ROS1: variants seen among roughly 807,000 people sequenced by gnomAD.
ROS1 encodes proto-oncogene tyrosine-protein kinase ROS.
Under a neutral mutation model 273.5 loss-of-function variants are expected in ROS1, and 263 were observed. That is an observed-to-expected ratio of 0.96 (90% CI 0.87 to 1.06). The LOEUF is 1.06. Ranked by LOEUF, ROS1 falls within the 50% of genes least tolerant of loss-of-function variation. The pLI, the probability that ROS1 is intolerant of heterozygous loss-of-function variation, is 0.00. For missense variants in ROS1, 2,833 were observed against 2,751.1 expected (o/e 1.03, Z -0.67); for synonymous variants, 1,008 against 954.1 (o/e 1.06, Z -1.04).
At chr6:117,295,367 C>G (rs547689072) in intron 43 of ROS1, among the ~76,000 whole-genome samples, 40 of 152,288 alleles carry the variant, frequency 2.6e-4, no homozygotes, top group African/African-American at 9.4e-4. Context: ...AAATCTAAGA[C>G]TTCAAACCAT....
At position 117,394,613 on chromosome 6, in the gene ROS1, G is replaced by T; in HGVS notation, c.1006+3C>A. On this transcript the variant is annotated splice_donor_region_variant and intron_variant, in intron 10 of 43. Transcript: ENST00000368507. Reference sequence around the variant, plus strand: ...AGGAATCATTTATCCTTATCATACTGACCTGTAATATTATGGTATATAGCA... The same window carrying T: ...AGGAATCATTTATCCTTATCATACTTACCTGTAATATTATGGTATATAGCA... 1 of 1,593,236 alleles carries T rather than the reference G, an allele frequency of 6.3e-7. No individual in the cohort carries two copies. Among genetic ancestry groups the T allele is most frequent in the South Asian group, 1.2e-5 (1 of 86,790 alleles).
At chr6:117,297,916 C>T (rs956527440) in intron 43 of ROS1, among the ~76,000 whole-genome samples, 1 of 152,148 alleles carries the variant, frequency 6.6e-6, no homozygotes, top group South Asian at 2.1e-4. Flanking sequence ...AACATACTTA[C>T]ACTCATATGT....
chr6:117,354,623 T>C (rs1779146969), intron 26 of ROS1, among the ~76,000 whole-genome samples: 1 of 152,240 alleles, frequency 6.6e-6, no homozygotes, highest in African/African-American at 2.4e-5. Context: ...AGAAAAAATT[T>C]CTTGCAACAT....
At chr6:117,379,906 ATATGAGAACCAC>A (rs1170581860) in intron 17 of ROS1, among the ~76,000 whole-genome samples, 2 of 152,154 alleles carry the variant, frequency 1.3e-5, no homozygotes, top group Admixed American at 6.5e-5. Flanking sequence ...TCCAGATGAC[ATATGAGAACCAC>A]TTCTTACTAC....
intron 39 of ROS1, among the ~76,000 whole-genome samples, chr6:117,316,515 C>A (rs193249255): frequency 6.6e-6 from 1 of 152,042 alleles, no homozygotes; most frequent in Non-Finnish European, 1.5e-5. Flanking sequence ...CAGTCCTGTC[C>A]GCCATTCCAC....
At chr6:117,385,459 G>A (rs577270414) in intron 16 of ROS1, among the ~76,000 whole-genome samples, 1 of 152,108 alleles carries the variant, frequency 6.6e-6, no homozygotes, top group East Asian at 1.9e-4. Context: ...GGAGGCAGAG[G>A]CCAAGATGGC....
In ROS1 at chr6:117,425,602, A is replaced by G. The variant is rs1179507437; in HGVS notation, c.55T>C (p.Cys19Arg). ...PKLVNFATLG[C>R]LWISVVQCTV... is the part of the protein sequence containing the mutation. ...CACTGCACCACAGAAATCCATAGGCAGCCAAGAGTTGCAAAATTGACAAGC... is the reference window on the plus strand; with the variant it reads ...CACTGCACCACAGAAATCCATAGGCGGCCAAGAGTTGCAAAATTGACAAGC... Residue 19 changes from cysteine (C) to arginine (R), a missense_variant, in exon 1 of 44, where the codon TGC (cysteine) becomes CGC (arginine). Transcript: ENST00000368507. 1 of 1,612,782 alleles carries G rather than the reference A, an allele frequency of 6.2e-7. No homozygotes were observed. Among genetic ancestry groups the G allele is most frequent in the Admixed American group, 1.7e-5 (1 of 59,792 alleles).
At chr6:117,300,247 G>A (rs1000644640) in intron 43 of ROS1, among the ~76,000 whole-genome samples, 3 of 151,256 alleles carry the variant, frequency 2.0e-5, no homozygotes, top group East Asian at 3.9e-4. Flanking sequence ...CACCGCACCC[G>A]GCACAGAATA....
At chr6:117,291,744 C>T (rs1413845970) in intron 43 of ROS1, among the ~76,000 whole-genome samples, 1 of 152,118 alleles carries the variant, frequency 6.6e-6, no homozygotes, top group Non-Finnish European at 1.5e-5. Flanking sequence ...ATAAAATTAG[C>T]TACTATTCTA....
intron 18 of ROS1, among the ~76,000 whole-genome samples, chr6:117,369,541 C>T (rs1205763255): frequency 6.6e-6 from 1 of 151,762 alleles, no homozygotes; most frequent in Non-Finnish European, 1.5e-5. Context: ...GCCACTGCAC[C>T]AGCCTGGGCG....
At chr6:117,293,689 A>T (rs1773999301) in intron 43 of ROS1, among the ~76,000 whole-genome samples, 2 of 152,156 alleles carry the variant, frequency 1.3e-5, no homozygotes, top group Admixed American at 1.3e-4. Flanking sequence ...GAAAAATAGA[A>T]AGGAATCAGA....
chr6:117,405,803 G>A (rs1014129167), intron 5 of ROS1, among the ~76,000 whole-genome samples: 3 of 152,120 alleles, frequency 2.0e-5, no homozygotes, highest in African/African-American at 7.2e-5. Context: ...CTGTTACCAG[G>A]CAGCTGGGTT....
At chr6:117,289,244 G>C (rs1773652900) in intron 43 of ROS1, among the ~76,000 whole-genome samples, 1 of 152,092 alleles carries the variant, frequency 6.6e-6, no homozygotes, top group South Asian at 2.1e-4. Context: ...TTAAAGATTG[G>C]TTTTTCTAGA....
chr6:117,347,396 G>C (rs77736153), intron 27 of ROS1, among the ~76,000 whole-genome samples: 16,644 of 152,032 alleles, frequency 0.11, 956 homozygotes, highest in Middle Eastern at 0.15. Context: ...AAGTGATTGA[G>C]TTTAGTATAT....
intron 12 of ROS1, among the ~76,000 whole-genome samples, chr6:117,391,965 T>C (rs962871082): frequency 1.3e-5 from 2 of 152,152 alleles, no homozygotes; most frequent in African/African-American, 4.8e-5. Context: ...TCTAGTCACA[T>C]TGCAAAATCT....
intron 7 of ROS1, among the ~76,000 whole-genome samples, chr6:117,401,998 A>C (rs2128722730): frequency 6.6e-6 from 1 of 152,268 alleles, no homozygotes; most frequent in South Asian, 2.1e-4. Context: ...GCTTCCTACC[A>C]GTTCTTCCTG....
chr6:117,367,093 A>G (rs981514371), intron 18 of ROS1, among the ~76,000 whole-genome samples: 4 of 152,188 alleles, frequency 2.6e-5, no homozygotes, highest in Non-Finnish European at 5.9e-5. Context: ...TGAAGTATAA[A>G]TTTGCCATAT....
chr6:117,381,269 A>C (rs1772119765), intron 17 of ROS1, among the ~76,000 whole-genome samples: 1 of 149,700 alleles, frequency 6.7e-6, no homozygotes, highest in South Asian at 2.1e-4. Context: ...GGGTACAGGT[A>C]GTTTTTGGTC....
intron 40 of ROS1, among the ~76,000 whole-genome samples, 195 bp from the exon 41 acceptor site, chr6:117,310,476 T>G (rs528269390): frequency 2.0e-5 from 3 of 152,034 alleles, no homozygotes; most frequent in Admixed American, 6.6e-5. Flanking sequence ...GCTGCACCTA[T>G]CAACCTGTCA....
Sources: allele counts gnomAD v4.1 joint callset (sites outside exome capture counted in the v4.1 genomes callset), GRCh38; gene constraint gnomAD v4.1.1; transcripts MANE v1.5; gene names NCBI Gene and HGNC (gene_info 2026-07-23, HGNC 2026-07-21).